The following FBXW11 variants were observed in gnomAD, a reference collection of about 807,000 sequenced individuals.
The protein encoded by FBXW11 is F-box/WD repeat-containing protein 11.
In FBXW11, 19 loss-of-function variants were observed where a neutral mutation model predicts 77.6. The observed-to-expected ratio is 0.24, with a 90% CI of 0.17 to 0.36. The LOEUF (loss-of-function observed/expected upper bound fraction) is 0.36, where lower values mean the gene tolerates loss of function less well. Among genes scored for constraint, FBXW11 ranks in the 10% least tolerant of loss-of-function variants. The pLI is 1.00. For synonymous variants in FBXW11, 235 were observed against 249.4 expected, an observed-to-expected ratio of 0.94 and a Z score of 0.54; for missense variants, 334 against 704.2, an observed-to-expected ratio of 0.47 and a Z score of 5.95.
chr5:171,958,511 G>A (rs551475740), intron 1 of FBXW11, among the ~76,000 whole-genome samples: 7 of 152,174 alleles, frequency 4.6e-5, no homozygotes, highest in Admixed American at 2.0e-4. Flanking sequence ...ACATTGGAAC[G>A]TCATGATTTT....
At chr5:171,999,135 C>A (rs749798040) in intron 1 of FBXW11, among the ~76,000 whole-genome samples, 2 of 152,010 alleles carry the variant, frequency 1.3e-5, no homozygotes, top group African/African-American at 4.8e-5. Context: ...CAAGTTTTTC[C>A]CATTAAGTGG....
chr5:171,979,720 T>C (rs2113481336), intron 1 of FBXW11, among the ~76,000 whole-genome samples: 1 of 152,290 alleles, frequency 6.6e-6, no homozygotes, highest in African/African-American at 2.4e-5. Context: ...TGTTCCCTGG[T>C]GCCGTAAAGA....
At chr5:171,990,036 G>GC (rs1765648213) in intron 1 of FBXW11, among the ~76,000 whole-genome samples, 1 of 151,908 alleles carries the variant, frequency 6.6e-6, no homozygotes, top group African/African-American at 2.4e-5. Context: ...TATGATGTTT[G>GC]CAACTTACTT....
intron 2 of FBXW11, among the ~76,000 whole-genome samples, chr5:171,929,489 A>G (rs1427422375): frequency 1.3e-5 from 2 of 152,242 alleles, no homozygotes; most frequent in African/African-American, 4.8e-5. Context: ...AAATAAAAAC[A>G]TAAATAACAA....
At chr5:171,999,758 C>A (rs994439812) in intron 1 of FBXW11, among the ~76,000 whole-genome samples, 7 of 152,112 alleles carry the variant, frequency 4.6e-5, no homozygotes, top group Admixed American at 2.6e-4. Context: ...TTTTACTATA[C>A]AATGGTTTCC....
intron 2 of FBXW11, among the ~76,000 whole-genome samples, chr5:171,919,391 T>A (rs368350408): frequency 2.6e-5 from 4 of 152,290 alleles, no homozygotes; most frequent in African/African-American, 9.6e-5. Context: ...GATGGTATCA[T>A]GACAGACTCC....
intron 2 of FBXW11, among the ~76,000 whole-genome samples, chr5:171,949,892 A>AT (rs1373482994): frequency 6.6e-6 from 1 of 152,158 alleles, no homozygotes; most frequent in African/African-American, 2.4e-5. Context: ...TAAGAGTATA[A>AT]TTTTACCCAG....
chr5:171,979,526 G>C (rs1264005634), intron 1 of FBXW11, among the ~76,000 whole-genome samples: 2 of 151,462 alleles, frequency 1.3e-5, no homozygotes, highest in Non-Finnish European at 2.9e-5. Context: ...AATGTGAATT[G>C]CTTCTGTAAA....
At position 171,861,841 on chromosome 5, in the gene FBXW11, G is replaced by A. The variant is rs1346103438; in HGVS notation, c.*2286C>T. On this transcript the variant is annotated 3_prime_UTR_variant, in exon 14 of 14. Coordinates refer to ENST00000517395, the MANE Select transcript of FBXW11 (RefSeq NM_001378974.1). ...CATAATTAATTACAAGTTAGAATTA[G>A]ACTATCCCAGTGCTTTAAAACATTA... The A allele has an allele frequency of 6.6e-6, 1 of 152,620 alleles. No homozygotes were observed. Among genetic ancestry groups the A allele is most frequent in the East Asian group, 1.9e-4 (1 of 5,202 alleles). 9.5% of individuals were successfully genotyped at this position (152,620 alleles called of 1,614,324 possible).
chr5:171,979,786 G>A (rs1392676575), intron 1 of FBXW11, among the ~76,000 whole-genome samples: 2 of 152,262 alleles, frequency 1.3e-5, no homozygotes, highest in African/African-American at 4.8e-5. Context: ...TCTATTTTCT[G>A]CAGAAAGGGT....
At chr5:171,964,024 A>G (rs1259087339) in intron 1 of FBXW11, among the ~76,000 whole-genome samples, 1 of 152,242 alleles carries the variant, frequency 6.6e-6, no homozygotes, top group African/African-American at 2.4e-5. Flanking sequence ...GACAGCTATT[A>G]AACTGTTTTA....
chr5:171,999,346 G>T (rs1766271264), intron 1 of FBXW11, among the ~76,000 whole-genome samples: 2 of 151,034 alleles, frequency 1.3e-5, no homozygotes, highest in South Asian at 4.2e-4. Context: ...GAATCCTCAG[G>T]CTTTTCCCCT....
In FBXW11 at chr5:172,002,686, TTTTTC is replaced by T. The variant is rs1393548225; in HGVS notation, c.45+3767_45+3771del. 4.1e-5 allele frequency among the ~76,000 whole-genome samples: 6 copies of T among 147,520 alleles called. No individual in the cohort carries two copies. The East Asian group carries it at 9.7e-4, about 24-fold the overall frequency. ...TAACTTCATTTATTCGTTTCTTTCT[TTTTTC>T]TTTTCTTTTTTTTTTTTTTTTTTTT... On this transcript the variant is annotated intron_variant, in intron 1 of 13. Transcript: ENST00000517395.
chr5:171,880,861 A>G (rs1215865712), intron 7 of FBXW11, among the ~76,000 whole-genome samples: 1 of 151,992 alleles, frequency 6.6e-6, no homozygotes, highest in South Asian at 2.1e-4. Flanking sequence ...ACACCCGGCT[A>G]ATTTTTGTAT....
At chr5:171,912,702 T>C (rs965918536) in intron 3 of FBXW11, among the ~76,000 whole-genome samples, 11 of 151,856 alleles carry the variant, frequency 7.2e-5, no homozygotes, top group Non-Finnish European at 1.2e-4. Flanking sequence ...AGGTCAGGAG[T>C]TCGAGACCAC....
At chr5:171,865,376 CAA>C (rs1392430471) in intron 13 of FBXW11, among the ~76,000 whole-genome samples, 1 of 151,562 alleles carries the variant, frequency 6.6e-6, no homozygotes, top group Non-Finnish European at 1.5e-5. Flanking sequence ...AAGGGTTGGA[CAA>C]ATATTAGGTT....
At chr5:171,940,885 C>CA (rs869259710) in intron 2 of FBXW11, among the ~76,000 whole-genome samples, 5 of 19,240 alleles carry the variant, frequency 2.6e-4, no homozygotes, top group South Asian at 4.4e-3. Context: ...GACTCCGTCT[C>CA]AAAAAAAAAA....
intron 1 of FBXW11, among the ~76,000 whole-genome samples, chr5:171,995,253 T>G (rs1367802965): frequency 6.6e-6 from 1 of 152,106 alleles, no homozygotes; most frequent in African/African-American, 2.4e-5. Context: ...TAATAAATAC[T>G]GAGGAGGAAC....
At chr5:172,006,345 G>C (rs1318826136) in intron 1 of FBXW11, 113 bp downstream of exon 1, 9 of 944,110 alleles carry the variant, frequency 9.5e-6, no homozygotes, top group African/African-American at 5.1e-5. Flanking sequence ...CCCGGGTCTG[G>C]GTCGAGGCGT....
Sources: gnomAD v4.1 joint callset for allele counts (sites outside exome capture counted in the v4.1 genomes callset) on GRCh38, gnomAD v4.1.1 for gene constraint, MANE v1.5 for transcripts, NCBI Gene and HGNC (gene_info 2026-07-23, HGNC 2026-07-21) for gene names.